DPYD: variants seen among roughly 807,000 people sequenced by gnomAD.
DPYD encodes dihydropyrimidine dehydrogenase, also known as dihydropyrimidine dehydrogenase [NADP(+)].
A neutral mutation model predicts 116.2 loss-of-function variants in DPYD; 109 were observed. The ratio of observed to expected loss-of-function variants is 0.94; its 90% CI spans 0.80 to 1.10. The LOEUF (loss-of-function observed/expected upper bound fraction) is 1.10. Ranked by LOEUF, DPYD falls within the 50% of genes least tolerant of loss-of-function variation. The pLI is 0.00. For missense variants in DPYD, 1,302 were observed against 1,254.5 expected, an observed-to-expected ratio of 1.04 and a Z score of -0.57; for synonymous variants, 440 against 432.0, an observed-to-expected ratio of 1.02 and a Z score of -0.23.
chr1:97,520,592 ATTAGG>A (rs1220439983), intron 12 of DPYD, among the ~76,000 whole-genome samples: 1 of 152,142 alleles, frequency 6.6e-6, no homozygotes, highest in African/African-American at 2.4e-5. Context: ...AGTCATCTAC[ATTAGG>A]TATTTCTCCT....
At chr1:97,731,532 CTT>C (rs1663611659) in intron 4 of DPYD, among the ~76,000 whole-genome samples, 1 of 151,958 alleles carries the variant, frequency 6.6e-6, no homozygotes, top group Non-Finnish European at 1.5e-5. Context: ...ATGTTCCAGC[CTT>C]TTATATTTTA....
intron 3 of DPYD, among the ~76,000 whole-genome samples, chr1:97,769,151 G>A (rs1057100522): frequency 5.9e-5 from 9 of 151,960 alleles, no homozygotes; most frequent in Non-Finnish European, 1.2e-4. Context: ...AGAAATTGCT[G>A]GGTTTGCCTA....
At chr1:97,532,790 T>C (rs1392325344) in intron 12 of DPYD, among the ~76,000 whole-genome samples, 1 of 151,990 alleles carries the variant, frequency 6.6e-6, no homozygotes, top group African/African-American at 2.4e-5. Flanking sequence ...GTCAATTTTA[T>C]CTTTTGAAAA....
intron 18 of DPYD, among the ~76,000 whole-genome samples, chr1:97,292,694 A>G (rs1558006075): frequency 6.7e-6 from 1 of 148,456 alleles, no homozygotes; most frequent in African/African-American, 2.5e-5. Flanking sequence ...ACAAACACAC[A>G]TGCGTGCACG....
chr1:97,568,448 C>A (rs1266102692), intron 11 of DPYD, among the ~76,000 whole-genome samples: 1 of 152,096 alleles, frequency 6.6e-6, no homozygotes, highest in East Asian at 1.9e-4. Flanking sequence ...CTATAGTCAT[C>A]CCCCTTACAG....
intron 21 of DPYD, among the ~76,000 whole-genome samples, chr1:97,094,336 G>A (rs1281963015): frequency 6.6e-6 from 1 of 152,090 alleles, no homozygotes; most frequent in African/African-American, 2.4e-5. Context: ...GTTGGAGAAT[G>A]GATTAGATAA....
chr1:97,186,999 T>C (rs1658045040), intron 20 of DPYD, among the ~76,000 whole-genome samples: 1 of 152,252 alleles, frequency 6.6e-6, no homozygotes, highest in Non-Finnish European at 1.5e-5. Context: ...CATTTAGCTT[T>C]ATTCCATATC....
intron 14 of DPYD, among the ~76,000 whole-genome samples, chr1:97,447,593 G>A (rs1676161603): frequency 6.6e-6 from 1 of 152,132 alleles, no homozygotes. Context: ...AGAAAAGTAT[G>A]CATTTTTTTC....
At chr1:97,598,324 A>G (rs1416549021) in intron 8 of DPYD, among the ~76,000 whole-genome samples, 2 of 152,206 alleles carry the variant, frequency 1.3e-5, no homozygotes, top group Non-Finnish European at 2.9e-5. Flanking sequence ...GTATGTGTCT[A>G]TACTAGGATG....
At chr1:97,657,959 C>CA (rs1659035936) in intron 8 of DPYD, among the ~76,000 whole-genome samples, 1 of 152,064 alleles carries the variant, frequency 6.6e-6, no homozygotes, top group South Asian at 2.1e-4. Context: ...AAAATTCAAA[C>CA]ACTTTTGAGA....
intron 20 of DPYD, among the ~76,000 whole-genome samples, chr1:97,185,683 T>A (rs1221025764): frequency 6.6e-6 from 1 of 152,076 alleles, no homozygotes; most frequent in Non-Finnish European, 1.5e-5. Flanking sequence ...CTCTGTAATA[T>A]TATAGTGAGT....
chr1:97,396,163 A>T (rs1426463801), intron 14 of DPYD, among the ~76,000 whole-genome samples: 1 of 152,030 alleles, frequency 6.6e-6, no homozygotes, highest in African/African-American at 2.4e-5. Context: ...TATGTTTAGA[A>T]TTTCACATGA....
chr1:97,739,844 G>T (rs1489669828), intron 4 of DPYD, among the ~76,000 whole-genome samples: 1 of 151,832 alleles, frequency 6.6e-6, no homozygotes, highest in Non-Finnish European at 1.5e-5. Flanking sequence ...AAAAAATAAA[G>T]ATCAAAATTC....
intron 5 of DPYD, chr1:97,721,068 A>T: frequency 8.1e-7 from 1 of 1,235,890 alleles, no homozygotes. Context: ...ACTTAGTTTC[A>T]GGGTTTTTGA....
At chr1:97,530,505 CCG>C (rs1649539701) in intron 12 of DPYD, among the ~76,000 whole-genome samples, 1 of 152,172 alleles carries the variant, frequency 6.6e-6, no homozygotes, top group South Asian at 2.1e-4. Context: ...GCGTGAGCCA[CCG>C]CGCCTGGCCA....
chr1:97,716,667 A>T (rs74105276), intron 5 of DPYD, among the ~76,000 whole-genome samples: 14,604 of 148,426 alleles, frequency 0.098, 769 homozygotes, highest in Middle Eastern at 0.12. Context: ...TAAACTTTTT[A>T]AAAAAAGATG....
At chr1:97,276,955 C>T (rs1321924676) in intron 18 of DPYD, among the ~76,000 whole-genome samples, 1 of 152,108 alleles carries the variant, frequency 6.6e-6, no homozygotes, top group Non-Finnish European at 1.5e-5. Flanking sequence ...CGGAAACAAC[C>T]CAGGTGCCCA....
chr1:97,427,662 G>T (rs1327255601), intron 14 of DPYD, among the ~76,000 whole-genome samples: 1 of 149,604 alleles, frequency 6.7e-6, no homozygotes, highest in Admixed American at 6.7e-5. Context: ...TAACCTCACA[G>T]AACAAGATAA....
At chr1:97,896,215 T>C (rs935864335) in intron 1 of DPYD, among the ~76,000 whole-genome samples, 1 of 151,774 alleles carries the variant, frequency 6.6e-6, no homozygotes, top group Non-Finnish European at 1.5e-5. Context: ...TAATCAAAAA[T>C]GACATAGTGT....
Sources: allele counts gnomAD v4.1 joint callset (sites outside exome capture counted in the v4.1 genomes callset), GRCh38; gene constraint gnomAD v4.1.1; transcripts MANE v1.5; gene names NCBI Gene and HGNC (gene_info 2026-07-23, HGNC 2026-07-21).